The following COL25A1 variants were observed in gnomAD, a reference collection of about 807,000 sequenced individuals.
COL25A1 encodes collagen alpha-1(XXV) chain.
In COL25A1, 103 loss-of-function variants were observed where a neutral mutation model predicts 128.4. That is an observed-to-expected ratio of 0.80 (90% CI 0.68 to 0.94). The LOEUF (loss-of-function observed/expected upper bound fraction) is 0.94, where lower values mean the gene tolerates loss of function less well. Among genes scored for constraint, COL25A1 ranks in the 40% least tolerant of loss-of-function variants. COL25A1 has a pLI of 0.00. For synonymous variants in COL25A1, 279 were observed against 277.2 expected (o/e 1.01, Z -0.06); for missense variants, 745 against 840.0 (o/e 0.89, Z 1.40).
rs762891645 is a variant in COL25A1 at position 108,859,703 on chromosome 4, C to T, written c.1273G>A (p.Ala425Thr). The T allele has an allele frequency of 3.0e-5, 48 of 1,613,860 alleles. No homozygotes were observed. The Middle Eastern group carries it at 9.9e-4, about 33-fold the overall frequency. The change falls in exon 24 of 38, where the codon GCC (alanine) becomes ACC (threonine). Residue 425 changes from alanine to threonine, a missense_variant. Physicochemically the swap from Ala to Thr is moderately conservative, Grantham distance 58. Around this residue, in one of 3 missense-constraint regions of COL25A1, gnomAD observed 387 missense variants for 441.9 expected, o/e 0.88. Coordinates refer to ENST00000399132, the MANE Select transcript of COL25A1 (RefSeq NM_198721.4). ...CCGTTGTAGTCTATGATCTCAGTGG[C>T]TCCTTGATCCCCTTTTTGACCAGGT... ...GPPGQKGDQGATEIIDYNGNL... is the reference protein window; with the variant it reads ...GPPGQKGDQGTTEIIDYNGNL...
At chr4:109,030,484 G>T (rs1758733970) in intron 5 of COL25A1, among the ~76,000 whole-genome samples, 1 of 152,120 alleles carries the variant, frequency 6.6e-6, no homozygotes. Flanking sequence ...GAACCACCAA[G>T]GACCCACAGC....
intron 3 of COL25A1, among the ~76,000 whole-genome samples, chr4:109,265,603 C>A (rs1038355175): frequency 6.8e-6 from 1 of 146,010 alleles, no homozygotes; most frequent in Non-Finnish European, 1.5e-5. Flanking sequence ...GTTTCTATGT[C>A]ATTTGAACTA....
At chr4:108,905,821 G>A (rs369895341) in intron 13 of COL25A1, among the ~76,000 whole-genome samples, 4 of 147,540 alleles carry the variant, frequency 2.7e-5, no homozygotes, top group Admixed American at 2.7e-4. Flanking sequence ...AAATGCACCA[G>A]AGAACTCTGC....
chr4:108,896,462 ATATTT>A (rs1214750716), intron 16 of COL25A1, among the ~76,000 whole-genome samples, 200 bp downstream of exon 16: 1 of 152,174 alleles, frequency 6.6e-6, no homozygotes, highest in Non-Finnish European at 1.5e-5. Flanking sequence ...TACTTTGAAA[ATATTT>A]TAATTTGTGG....
At chr4:108,932,074 T>A (rs1459409774) in intron 11 of COL25A1, among the ~76,000 whole-genome samples, 1 of 152,122 alleles carries the variant, frequency 6.6e-6, no homozygotes, top group Non-Finnish European at 1.5e-5. Context: ...GGTTTGGGGG[T>A]CTTGCTTCCT....
At chr4:109,249,015 T>C (rs531150690) in intron 3 of COL25A1, among the ~76,000 whole-genome samples, 24 of 152,286 alleles carry the variant, frequency 1.6e-4, no homozygotes, top group Admixed American at 9.2e-4. Flanking sequence ...GTGCCAGACA[T>C]TGTAATAAGG....
chr4:109,160,175 T>C (rs1448829689), intron 3 of COL25A1, among the ~76,000 whole-genome samples: 1 of 152,208 alleles, frequency 6.6e-6, no homozygotes, highest in African/African-American at 2.4e-5. Context: ...ACATTGCTTT[T>C]TCTAATTTAT....
At chr4:109,073,149 G>A (rs77187178) in intron 3 of COL25A1, among the ~76,000 whole-genome samples, 3,690 of 152,206 alleles carry the variant, frequency 0.024, 137 homozygotes, top group African/African-American at 0.085. Context: ...GTGTGTGTGG[G>A]GGAGGGGCGC....
Position 108,811,770 on chromosome 4 carries a change from C to T in COL25A1, c.*2157G>A, listed in dbSNP as rs1578423548. On this transcript the variant is annotated 3_prime_UTR_variant, in exon 38 of 38. Transcript: ENST00000399132. ...CTGGCTTAGGGGTGTGGAATGTTAC[C>T]AGAAATGTTACCAATTAGACTGATC... 1 of 152,020 alleles carries T rather than the reference C, an allele frequency of 6.6e-6. No individual in the cohort carries two copies. The highest frequency in any genetic ancestry group is 1.9e-4 in the East Asian group (1 of 5,188). 9.4% of individuals were successfully genotyped at this position (152,020 alleles called of 1,614,324 possible).
intron 11 of COL25A1, among the ~76,000 whole-genome samples, chr4:108,934,079 C>T (rs1372443090): frequency 6.6e-6 from 1 of 152,028 alleles, no homozygotes; most frequent in Non-Finnish European, 1.5e-5. Flanking sequence ...GACTTGGAGC[C>T]AACCCAAATA....
chr4:109,030,193 C>T (rs79304597), intron 5 of COL25A1, among the ~76,000 whole-genome samples: 12 of 152,098 alleles, frequency 7.9e-5, no homozygotes, highest in Non-Finnish European at 1.3e-4. Flanking sequence ...CATCATTTCA[C>T]GGAAGTCAAC....
intron 6 of COL25A1, among the ~76,000 whole-genome samples, chr4:108,983,497 T>G (rs1753250262): frequency 6.6e-6 from 1 of 152,264 alleles, no homozygotes; most frequent in African/African-American, 2.4e-5. Context: ...GAAACATTGT[T>G]TGCCGGTCAG....
intron 30 of COL25A1, among the ~76,000 whole-genome samples, chr4:108,843,868 A>G (rs967459077): frequency 6.8e-6 from 1 of 148,070 alleles, no homozygotes; most frequent in Non-Finnish European, 1.5e-5. Flanking sequence ...GTCAGAAAAC[A>G]TTCTTTAATG....
At chr4:109,144,949 G>C (rs563780981) in intron 3 of COL25A1, among the ~76,000 whole-genome samples, 1 of 152,100 alleles carries the variant, frequency 6.6e-6, no homozygotes, top group Non-Finnish European at 1.5e-5. Context: ...GAAACAAACT[G>C]TTAAGTGACT....
At chr4:108,932,541 G>T (rs530527121) in intron 11 of COL25A1, among the ~76,000 whole-genome samples, 11 of 152,210 alleles carry the variant, frequency 7.2e-5, no homozygotes, top group African/African-American at 2.6e-4. Flanking sequence ...AAATGAATAC[G>T]TTATGGAGTT....
chr4:108,940,495 T>A, intron 10 of COL25A1, 44 bp downstream of exon 10: 1 of 1,538,002 alleles, frequency 6.5e-7, no homozygotes, highest in East Asian at 2.2e-5. Context: ...GCCCTTAACA[T>A]GAAGCAAAAC....
At chr4:109,159,262 T>A (rs1325167584) in intron 3 of COL25A1, among the ~76,000 whole-genome samples, 2 of 151,786 alleles carry the variant, frequency 1.3e-5, no homozygotes, top group Non-Finnish European at 2.9e-5. Flanking sequence ...TTAATTAAAT[T>A]TAAAATTACT....
chr4:109,078,621 A>AT (rs1763578883), intron 3 of COL25A1, among the ~76,000 whole-genome samples: 5 of 149,386 alleles, frequency 3.3e-5, no homozygotes, highest in African/African-American at 1.2e-4. Flanking sequence ...CACTATTTAC[A>AT]CAAAAGCCCA....
intron 8 of COL25A1, among the ~76,000 whole-genome samples, chr4:108,955,540 A>G (rs2125956711): frequency 6.6e-6 from 1 of 152,270 alleles, no homozygotes; most frequent in South Asian, 2.1e-4. Context: ...CTTTATGAAT[A>G]TCTTGATTAC....
Sources: gnomAD v4.1 joint callset for allele counts (sites outside exome capture counted in the v4.1 genomes callset) on GRCh38, gnomAD v4.1.1 for gene constraint, gnomAD v4.1.1 regional missense constraint, MANE v1.5 for transcripts, NCBI Gene and HGNC (gene_info 2026-07-23, HGNC 2026-07-21) for gene names.